Variants in CDH4 observed in about 807,000 individuals in gnomAD.
CDH4 encodes cadherin-4.
Under a neutral mutation model 86.0 loss-of-function variants are expected in CDH4, and 33 were observed. The observed-to-expected ratio is 0.38, with a 90% CI of 0.29 to 0.51. CDH4 has a LOEUF of 0.51. Among genes scored for constraint, CDH4 ranks in the 20% least tolerant of loss-of-function variants. The pLI, the probability that CDH4 is intolerant of heterozygous loss-of-function variation, is 0.86. For missense variants in CDH4, 1,114 were observed against 1,307.4 expected, an observed-to-expected ratio of 0.85 and a Z score of 2.28; for synonymous variants, 555 against 549.4, an observed-to-expected ratio of 1.01 and a Z score of -0.14.
chr20:61,411,484 ATG>A (rs1305847575), intron 2 of CDH4, among the ~76,000 whole-genome samples: 1 of 151,660 alleles, frequency 6.6e-6, no homozygotes, highest in Non-Finnish European at 1.5e-5. Context: ...TAGTTTTCAA[ATG>A]GGCAGCCTTC....
At chr20:61,672,317 T>C (rs953238877) in intron 2 of CDH4, among the ~76,000 whole-genome samples, 1 of 152,102 alleles carries the variant, frequency 6.6e-6, no homozygotes, top group Non-Finnish European at 1.5e-5. Context: ...ATGGACAGAA[T>C]ATTCCTCCAA....
At chr20:61,877,065 C>T (rs1034235538) in intron 7 of CDH4, among the ~76,000 whole-genome samples, 1 of 152,168 alleles carries the variant, frequency 6.6e-6, no homozygotes, top group African/African-American at 2.4e-5. Flanking sequence ...GCCTGGTGCA[C>T]CCTACGGGAG....
At chr20:61,711,007 C>T (rs972834315) in intron 2 of CDH4, among the ~76,000 whole-genome samples, 2 of 152,086 alleles carry the variant, frequency 1.3e-5, no homozygotes, top group African/African-American at 4.8e-5. Flanking sequence ...TGGCTGTGAC[C>T]CCACCCAAAA....
At position 61,480,551 on chromosome 20, in the gene CDH4, C is replaced by T. The variant is rs934016571; in HGVS notation, c.169+225614C>T. Among the ~76,000 whole-genome samples the T allele has an allele frequency of 6.6e-6, 1 of 152,206 alleles. No individual in the cohort carries two copies. The highest frequency in any genetic ancestry group is 1.5e-5 in the Non-Finnish European group (1 of 68,032). ...CAGGCCCCTCCCTTCCCAGTGGCAGCGAATCCCCGTCCTGACCGGGGCCTG... is the reference window on the plus strand; with the variant it reads ...CAGGCCCCTCCCTTCCCAGTGGCAGTGAATCCCCGTCCTGACCGGGGCCTG... On this transcript the variant is annotated intron_variant, in intron 2 of 15. Coordinates refer to ENST00000614565, the MANE Select transcript of CDH4 (RefSeq NM_001794.5). This position sits in a 1 kb window ranked among gnomAD's most constrained non-coding sequence, Gnocchi z 5.2.
At chr20:61,395,430 G>A (rs2085011356) in intron 2 of CDH4, among the ~76,000 whole-genome samples, 1 of 151,954 alleles carries the variant, frequency 6.6e-6, no homozygotes, top group Non-Finnish European at 1.5e-5. Context: ...ATACGTACAT[G>A]GCATTATTAA....
intron 2 of CDH4, among the ~76,000 whole-genome samples, chr20:61,502,676 A>G (rs953596527): frequency 1.3e-5 from 2 of 152,158 alleles, no homozygotes; most frequent in Non-Finnish European, 2.9e-5. Context: ...CTGGCGTCCA[A>G]AGGATAGAGG....
At chr20:61,325,914 G>A (rs995210539) in intron 2 of CDH4, among the ~76,000 whole-genome samples, 14 of 152,152 alleles carry the variant, frequency 9.2e-5, no homozygotes, top group African/African-American at 2.7e-4. Context: ...ACCAGAGCCC[G>A]TCTGGTTGGC....
At chr20:61,352,325 G>A (rs372879333) in intron 2 of CDH4, among the ~76,000 whole-genome samples, 2 of 152,044 alleles carry the variant, frequency 1.3e-5, no homozygotes, top group South Asian at 4.2e-4. Context: ...GTTTTACCTC[G>A]TTTAAAAAAA....
At chr20:61,287,714 G>A (rs2084300772) in intron 2 of CDH4, among the ~76,000 whole-genome samples, 1 of 152,170 alleles carries the variant, frequency 6.6e-6, no homozygotes, top group South Asian at 2.1e-4. Flanking sequence ...ACTCAGCATG[G>A]AGGCGGGGAG....
intron 7 of CDH4, among the ~76,000 whole-genome samples, chr20:61,888,236 C>T (rs1984634598): frequency 6.6e-6 from 1 of 152,152 alleles, no homozygotes; most frequent in African/African-American, 2.4e-5. Context: ...GGCAGGATCC[C>T]GGCCCCTCAC....
intron 9 of CDH4, among the ~76,000 whole-genome samples, chr20:61,912,807 G>A (rs12151897): frequency 0.23 from 34,971 of 152,216 alleles, 5,152 homozygotes; most frequent in Non-Finnish European, 0.32. Context: ...CGCAGGGACT[G>A]GGCATGGTGA....
intron 3 of CDH4, among the ~76,000 whole-genome samples, chr20:61,753,589 T>C (rs893763589): frequency 2.0e-5 from 3 of 152,244 alleles, no homozygotes; most frequent in East Asian, 1.9e-4. Context: ...AGCAATATTC[T>C]GGCCTCACAG....
intron 2 of CDH4, among the ~76,000 whole-genome samples, chr20:61,399,068 C>A (rs992529903): frequency 3.3e-5 from 5 of 152,070 alleles, no homozygotes; most frequent in Non-Finnish European, 7.3e-5. Context: ...GTCCTTAAAG[C>A]CTAGGCCTAC....
At chr20:61,433,398 A>G (rs2085259752) in intron 2 of CDH4, among the ~76,000 whole-genome samples, 1 of 152,076 alleles carries the variant, frequency 6.6e-6, no homozygotes, top group African/African-American at 2.4e-5. Flanking sequence ...TTTCAAGTGA[A>G]TCTTGAAATC....
At chr20:61,817,567 G>A (rs13042075) in intron 4 of CDH4, among the ~76,000 whole-genome samples, 62,212 of 151,392 alleles carry the variant, frequency 0.41, 15,603 homozygotes, top group Non-Finnish European at 0.57. Context: ...TGGGGTATGC[G>A]CTCCTCCTGG....
chr20:61,562,327 T>C (rs2086224462), intron 2 of CDH4, among the ~76,000 whole-genome samples: 1 of 118,522 alleles, frequency 8.4e-6, no homozygotes. Context: ...TGTGGAGAGG[T>C]GGACCCCAGG....
intron 2 of CDH4, among the ~76,000 whole-genome samples, chr20:61,656,263 AGGCGCGTGCTGGGGTGGGCAGGCGCG>A (rs2087187233): frequency 9.1e-6 from 1 of 109,980 alleles, no homozygotes; most frequent in Non-Finnish European, 1.8e-5. Context: ...TGGGGTGGGC[AGGCGCGTGCTGGGGTGGGCAGGCGCG>A]TGCTGGGGTG....
In CDH4 at chr20:61,852,737, C is replaced by T. The variant is rs1568849873; in HGVS notation, c.733-17C>T. The T allele has an allele frequency of 1.9e-6, 3 of 1,606,686 alleles. No individual in the cohort carries two copies. The highest frequency in any genetic ancestry group is 1.7e-5 in the Admixed American group (1 of 59,556). On this transcript the variant is annotated splice_polypyrimidine_tract_variant and intron_variant, in intron 5 of 15. Coordinates refer to ENST00000614565, the MANE Select transcript of CDH4 (RefSeq NM_001794.5). ...GTGCCCACCCGCCACTGGGCCCTGT[C>T]TCTGCTGCTTTTCCAGCTCCGAGCC...
chr20:61,637,101 G>A (rs1412878831), intron 2 of CDH4, among the ~76,000 whole-genome samples: 1 of 152,102 alleles, frequency 6.6e-6, no homozygotes. Flanking sequence ...TTTTGCTTTT[G>A]TTTGTTTTTC....
Sources: allele counts gnomAD v4.1 joint callset (sites outside exome capture counted in the v4.1 genomes callset), GRCh38; gene constraint gnomAD v4.1.1; non-coding constraint Gnocchi (gnomAD v3.1); transcripts MANE v1.5; gene names NCBI Gene and HGNC (gene_info 2026-07-23, HGNC 2026-07-21).